The following ARID4A variants were observed in gnomAD, a reference collection of about 807,000 sequenced individuals.
ARID4A encodes AT-rich interaction domain 4A, also known as AT-rich interactive domain-containing protein 4A.
Under a neutral mutation model 148.6 loss-of-function variants are expected in ARID4A, and 39 were observed. The observed-to-expected ratio is 0.26, with a 90% CI of 0.20 to 0.34. The LOEUF (loss-of-function observed/expected upper bound fraction) is 0.34, where lower values mean the gene tolerates loss of function less well. ARID4A is among the 10% of genes least tolerant of loss of function. The probability of loss-of-function intolerance (pLI) is 1.00; values close to 1 mark genes in which losing one functional copy is unlikely to be tolerated. For missense variants in ARID4A, 1,265 were observed against 1,449.1 expected (o/e 0.87, Z 2.06); for synonymous variants, 475 against 481.2 (o/e 0.99, Z 0.17).
intron 23 of ARID4A, among the ~76,000 whole-genome samples, chr14:58,368,131 T>C (rs1594973376): frequency 6.6e-6 from 1 of 152,120 alleles, no homozygotes; most frequent in African/African-American, 2.4e-5. Context: ...CCTGTAGACT[T>C]GGGGGCACCA....
At chr14:58,345,861 C>G (rs1013315623) in intron 12 of ARID4A, among the ~76,000 whole-genome samples, 4 of 150,852 alleles carry the variant, frequency 2.7e-5, no homozygotes, top group African/African-American at 9.7e-5. Flanking sequence ...CTCCCAAGTA[C>G]CTGGGACCAC....
At chr14:58,354,783 C>T (rs937478601) in intron 17 of ARID4A, among the ~76,000 whole-genome samples, 1 of 151,848 alleles carries the variant, frequency 6.6e-6, no homozygotes. Flanking sequence ...TAAATCTTAT[C>T]TAGAAGGAGA....
chr14:58,346,392 A>G lies in ARID4A; in HGVS notation c.980-19A>G, dbSNP rs1311807321. 6.6e-7 allele frequency: 1 copy of G among 1,519,464 alleles called. No homozygotes were observed. Among genetic ancestry groups the G allele is most frequent in the Non-Finnish European group, 9.1e-7 (1 of 1,104,356 alleles). The allele number at this position is 1,519,464 out of a possible 1,614,324, so 94.1% of individuals were successfully genotyped here. On this transcript the variant is annotated intron_variant, in intron 12 of 23. Transcript: ENST00000355431. ...TCATTTGAATAAACATTTTATTTCT[A>G]CCTACTTACATTGAAAAGGTACTCC...
intron 23 of ARID4A, among the ~76,000 whole-genome samples, chr14:58,370,951 A>C (rs891986251): frequency 1.3e-5 from 2 of 152,090 alleles, no homozygotes; most frequent in African/African-American, 4.8e-5. Context: ...TTATGTTTTT[A>C]TAATGAGTTA....
chr14:58,329,846 A>G (rs2033422124), intron 10 of ARID4A, among the ~76,000 whole-genome samples, 157 bp from the exon 11 acceptor site: 1 of 152,222 alleles, frequency 6.6e-6, no homozygotes, highest in Non-Finnish European at 1.5e-5. Context: ...ATGTTTATAT[A>G]ACATTATAAC....
chr14:58,313,825 G>T (rs1034612070), intron 5 of ARID4A, among the ~76,000 whole-genome samples: 6 of 152,234 alleles, frequency 3.9e-5, no homozygotes, highest in Admixed American at 3.3e-4. Flanking sequence ...GGAGAAGAGT[G>T]TCCCAGCTCC....
chr14:58,331,863 C>G lies in ARID4A; in HGVS notation c.906+1694C>G, dbSNP rs553661766. Among the ~76,000 whole-genome samples, 19 of 148,134 alleles carry G rather than the reference C, an allele frequency of 1.3e-4. 1 individual carries two copies. The highest frequency in any genetic ancestry group is 4.8e-4 in the African/African-American group (19 of 39,618). ...CACATTTTCAGGGTGTGAACTGTTG[C>G]AAATCTGTGATTTAGCTTTTGTTTT... On this transcript the variant is annotated intron_variant, in intron 11 of 23. Transcript: ENST00000355431.
intron 7 of ARID4A, 101 bp from the exon 8 acceptor site, chr14:58,323,384 T>G (rs1594895955): frequency 7.6e-7 from 1 of 1,317,154 alleles, no homozygotes. Flanking sequence ...TACTTTAGGG[T>G]GTAGTCCATT....
At chr14:58,327,097 T>C (rs1797683130) in intron 8 of ARID4A, among the ~76,000 whole-genome samples, 1 of 152,228 alleles carries the variant, frequency 6.6e-6, no homozygotes, top group South Asian at 2.1e-4. Flanking sequence ...ATGATAACCA[T>C]GAACCATATG....
At chr14:58,347,587 A>T in intron 14 of ARID4A, 60 bp from the exon 15 acceptor site, 1 of 1,291,270 alleles carries the variant, frequency 7.7e-7, no homozygotes, top group Non-Finnish European at 1.1e-6. Flanking sequence ...GTTTAATAAC[A>T]TGAATTCAAG....
chr14:58,318,241 T>G (rs2032604387), intron 5 of ARID4A, among the ~76,000 whole-genome samples: 1 of 152,202 alleles, frequency 6.6e-6, no homozygotes, highest in African/African-American at 2.4e-5. Flanking sequence ...GCAGTTAATT[T>G]AATATTTATG....
chr14:58,352,524 CAA>C (rs2140245008), intron 16 of ARID4A, among the ~76,000 whole-genome samples: 1 of 152,096 alleles, frequency 6.6e-6, no homozygotes, highest in South Asian at 2.1e-4. Flanking sequence ...TGTAAATGGA[CAA>C]AGATTTATTT....
chr14:58,304,841 G>C, intron 3 of ARID4A, 103 bp from the exon 4 acceptor site: 1 of 966,864 alleles, frequency 1.0e-6, no homozygotes, highest in East Asian at 2.6e-5. Flanking sequence ...GTCACCACAT[G>C]GTGCTAAGAA....
intron 11 of ARID4A, among the ~76,000 whole-genome samples, chr14:58,339,598 C>G (rs2034005533): frequency 6.6e-6 from 1 of 152,022 alleles, no homozygotes; most frequent in Non-Finnish European, 1.5e-5. Flanking sequence ...ACTAGAGTTG[C>G]TAGCTAAGAA....
intron 20 of ARID4A, 65 bp from the exon 21 acceptor site, chr14:58,365,453 A>G (rs905324616): frequency 4.8e-5 from 64 of 1,344,966 alleles, no homozygotes; most frequent in Non-Finnish European, 6.1e-5. Context: ...AGTCTGTTGA[A>G]TAATATACTT....
chr14:58,343,166 C>G (rs2034194891), intron 11 of ARID4A, among the ~76,000 whole-genome samples: 1 of 152,174 alleles, frequency 6.6e-6, no homozygotes, highest in African/African-American at 2.4e-5. Flanking sequence ...GAAAAAACTG[C>G]CATCTCTTAA....
intron 5 of ARID4A, among the ~76,000 whole-genome samples, chr14:58,314,882 G>A (rs1015871413): frequency 2.6e-5 from 4 of 152,300 alleles, no homozygotes; most frequent in Non-Finnish European, 4.4e-5. Context: ...ACTTTGGAAG[G>A]CCAAGGTGGG....
intron 4 of ARID4A, 62 bp from the exon 5 acceptor site, chr14:58,305,960 G>C (rs919702799): frequency 1.8e-6 from 2 of 1,124,398 alleles, no homozygotes; most frequent in Non-Finnish European, 2.7e-6. Flanking sequence ...TTATATAGTT[G>C]GTGGGAGTGA....
chr14:58,334,753 C>T (rs992800604), intron 11 of ARID4A, among the ~76,000 whole-genome samples: 9 of 152,094 alleles, frequency 5.9e-5, no homozygotes, highest in African/African-American at 9.7e-5. Context: ...CATTCCCTTC[C>T]TCTTTTCAGG....
Sources: allele counts gnomAD v4.1 joint callset (sites outside exome capture counted in the v4.1 genomes callset), GRCh38; gene constraint gnomAD v4.1.1; transcripts MANE v1.5; gene names NCBI Gene and HGNC (gene_info 2026-07-23, HGNC 2026-07-21).